SCRG1: variants seen among roughly 807,000 people sequenced by gnomAD.
SCRG1 encodes the protein scrapie-responsive protein 1.
In SCRG1, 3 loss-of-function variants were observed where a neutral mutation model predicts 7.7. The ratio of observed to expected loss-of-function variants is 0.39; its 90% CI spans 0.18 to 1.01. The LOEUF is 1.01. Ranked by LOEUF, SCRG1 falls within the 50% of genes least tolerant of loss-of-function variation. SCRG1 has a pLI of 0.36. For missense variants in SCRG1, 110 were observed against 117.2 expected (o/e 0.94, Z 0.28); for synonymous variants, 46 against 41.2 (o/e 1.12, Z -0.44).
chr4:173,433,301 A>T, the SCRG1 span, among the ~76,000 whole-genome samples: 2 of 152,226 alleles, frequency 1.3e-5, no homozygotes, highest in South Asian at 4.1e-4. Context: ...GACTTCTCTG[A>T]TCCTTTAATA....
the SCRG1 span, among the ~76,000 whole-genome samples, chr4:173,427,742 C>T: frequency 6.6e-6 from 1 of 152,158 alleles, no homozygotes; most frequent in East Asian, 1.9e-4. Context: ...ATATCTGGCC[C>T]TCCTTCTCTG....
chr4:173,495,474 G>A, the SCRG1 span, among the ~76,000 whole-genome samples: 1 of 152,192 alleles, frequency 6.6e-6, no homozygotes, highest in Admixed American at 6.5e-5. Flanking sequence ...ATGCACAGAT[G>A]CATATAATAT....
the SCRG1 span, among the ~76,000 whole-genome samples, chr4:173,412,064 A>T: frequency 6.6e-6 from 1 of 152,194 alleles, no homozygotes; most frequent in African/African-American, 2.4e-5. Flanking sequence ...CCTGAGCAGC[A>T]AGTAGGCACT....
At chr4:173,444,191 CTG>C in the SCRG1 span, among the ~76,000 whole-genome samples, 336 of 152,238 alleles carry the variant, frequency 2.2e-3, no homozygotes, top group Non-Finnish European at 3.8e-3. Context: ...CCAGGCTGGT[CTG>C]AAACTCCTGA....
At chr4:173,463,091 G>C in the SCRG1 span, among the ~76,000 whole-genome samples, 1 of 152,142 alleles carries the variant, frequency 6.6e-6, no homozygotes, top group Non-Finnish European at 1.5e-5. Flanking sequence ...GCAGGAGTAA[G>C]TCCCTACTTA....
chr4:173,391,467 T>C, intron 1 of SCRG1, 39 bp from the exon 2 acceptor site: 1 of 1,602,122 alleles, frequency 6.2e-7, no homozygotes, highest in Non-Finnish European at 8.5e-7. Flanking sequence ...CAATGTTTGT[T>C]TTTTAAAGAT....
rs1739274691 is a variant in SCRG1 at position 173,387,489 on chromosome 4, G to A, written c.*852C>T. ...GCCTCCCAAATAGCTGGGACTACAG[G>A]TGCATGCCGCCATGCAGCTAATTTT... On this transcript the variant is annotated 3_prime_UTR_variant, in exon 3 of 3. Transcript: ENST00000296506. 6.6e-6 allele frequency: 1 copy of A among 152,092 alleles called. No individual in the cohort carries two copies. Among genetic ancestry groups the A allele is most frequent in the Non-Finnish European group, 1.5e-5 (1 of 68,118 alleles). The allele number at this position is 152,092 out of a possible 1,614,324, so 9.4% of individuals were successfully genotyped here.
chr4:173,439,445 G>A, the SCRG1 span, among the ~76,000 whole-genome samples: 78 of 151,844 alleles, frequency 5.1e-4, 1 homozygote, highest in African/African-American at 1.7e-3. Context: ...GGCCTGAGAG[G>A]TCAAGGCTGC....
the SCRG1 span, among the ~76,000 whole-genome samples, chr4:173,485,004 A>AATATAATATATAATATATTATATATT: frequency 1.4e-3 from 13 of 9,418 alleles, 3 homozygotes; most frequent in Middle Eastern, 0.25. Context: ...ATATATTATA[A>AATATAATATATAATATATTATATATT]ATATAATATA....
chr4:173,424,483 T>C, the SCRG1 span, among the ~76,000 whole-genome samples: 1 of 152,170 alleles, frequency 6.6e-6, no homozygotes, highest in Non-Finnish European at 1.5e-5. Context: ...GCAGATGATA[T>C]AAACCTTGGA....
the SCRG1 span, among the ~76,000 whole-genome samples, chr4:173,482,827 C>A: frequency 6.8e-6 from 1 of 147,218 alleles, no homozygotes; most frequent in Non-Finnish European, 1.5e-5. Context: ...CACACACACA[C>A]ATGCACACAC....
At chr4:173,389,235 A>C (rs1031516452) in intron 2 of SCRG1, among the ~76,000 whole-genome samples, 5 of 152,288 alleles carry the variant, frequency 3.3e-5, no homozygotes, top group African/African-American at 9.6e-5. Flanking sequence ...GTTTGTTAAA[A>C]CATAATTGCT....
the SCRG1 span, among the ~76,000 whole-genome samples, chr4:173,430,291 A>G: frequency 2.6e-5 from 4 of 152,202 alleles, no homozygotes; most frequent in Non-Finnish European, 5.9e-5. Context: ...ACTCAGGTTT[A>G]GGGTTTGAGT....
chr4:173,450,717 G>A, the SCRG1 span, among the ~76,000 whole-genome samples: 6 of 152,286 alleles, frequency 3.9e-5, no homozygotes, highest in Admixed American at 2.0e-4. Flanking sequence ...CCTTATTAGC[G>A]ATTTAACCTT....
the SCRG1 span, among the ~76,000 whole-genome samples, chr4:173,493,616 GAA>G: frequency 5.2e-5 from 5 of 95,656 alleles, no homozygotes; most frequent in Admixed American, 1.2e-4. Flanking sequence ...GACTCAGTCA[GAA>G]AAAAAAAAAA....
At chr4:173,462,761 A>G in the SCRG1 span, among the ~76,000 whole-genome samples, 4 of 152,234 alleles carry the variant, frequency 2.6e-5, no homozygotes, top group African/African-American at 9.7e-5. Flanking sequence ...TTTTCAAGAC[A>G]TAGTACAATA....
intron 1 of SCRG1, among the ~76,000 whole-genome samples, chr4:173,395,784 G>T (rs1181930878): frequency 6.6e-6 from 1 of 152,146 alleles, no homozygotes; most frequent in South Asian, 2.1e-4. Flanking sequence ...GACTACAATT[G>T]GATATGGGGA....
the SCRG1 span, among the ~76,000 whole-genome samples, chr4:173,490,303 C>G: frequency 3.3e-5 from 5 of 152,174 alleles, no homozygotes; most frequent in African/African-American, 1.2e-4. Flanking sequence ...TAAAAGCAAC[C>G]CTGGAAGGGT....
the SCRG1 span, among the ~76,000 whole-genome samples, chr4:173,515,598 GTGTGTT>G: frequency 6.6e-6 from 1 of 152,060 alleles, no homozygotes; most frequent in East Asian, 1.9e-4. The surrounding 1 kb of genome is among the most constrained non-coding windows in gnomAD (Gnocchi z 4.6). Flanking sequence ...GTGTGTGTGT[GTGTGTT>G]TGCATGTGGC....
Sources: gnomAD v4.1 joint callset for allele counts (sites outside exome capture counted in the v4.1 genomes callset) on GRCh38, gnomAD v4.1.1 for gene constraint, Gnocchi (gnomAD v3.1) non-coding constraint, MANE v1.5 for transcripts, NCBI Gene and HGNC (gene_info 2026-07-23, HGNC 2026-07-21) for gene names.